Variants in FBN2 observed in about 807,000 individuals in gnomAD.
The protein encoded by FBN2 is fibrillin-2.
In FBN2, 105 loss-of-function variants were observed where a neutral mutation model predicts 355.6. That is an observed-to-expected ratio of 0.30 (90% confidence interval 0.25 to 0.35). The LOEUF (loss-of-function observed/expected upper bound fraction) is 0.35. FBN2 is among the 10% of genes least tolerant of loss of function. The probability of loss-of-function intolerance (pLI) is 1.00; values close to 1 mark genes in which losing one functional copy is unlikely to be tolerated. For synonymous variants in FBN2, 1,350 were observed against 1,301.2 expected (o/e 1.04, Z -0.81); for missense variants, 3,280 against 3,758.7 (o/e 0.87, Z 3.33).
intron 5 of FBN2, among the ~76,000 whole-genome samples, chr5:128,492,739 G>A (rs1755543284): frequency 1.4e-5 from 2 of 147,582 alleles, no homozygotes; most frequent in African/African-American, 5.1e-5. Context: ...GGAGGCAGAG[G>A]CTGTGGTGAG....
Position 128,259,449 on chromosome 5 carries a change from GA to G in FBN2, c.*5del, listed in dbSNP as rs1395860454. 6.2e-7 allele frequency: 1 copy of G among 1,612,690 alleles called. No homozygotes were observed. The highest frequency in any genetic ancestry group is 1.3e-5 in the African/African-American group (1 of 74,884). ...GATTTGAGCCTGGGCCCAAGTCTGT[GA>G]AGGGTTAATAGAGCTGAATCTGCAG... On this transcript the variant is annotated 3_prime_UTR_variant, in exon 65 of 65. Transcript: ENST00000262464.
At chr5:128,366,762 A>C (rs535194235) in intron 16 of FBN2, among the ~76,000 whole-genome samples, 58 of 152,304 alleles carry the variant, frequency 3.8e-4, no homozygotes, top group African/African-American at 1.1e-3. Context: ...CTAATAAAAT[A>C]ATAACAGCCA....
In FBN2 at chr5:128,378,813, G is replaced by A. The variant is rs2126960142; in HGVS notation, c.1681C>T (p.His561Tyr). 3.7e-6 allele frequency: 6 copies of A among 1,613,224 alleles called. No individual in the cohort carries two copies. The Admixed American group carries it at 1.0e-4, about 27-fold the overall frequency. ...GTAGGAGTCCTCTGGAATCCAGCAT[G>A]ACATTTACAATAATAGGAACCAGGT... Reference protein sequence around the residue: ...NTPGSYYCKCHAGFQRTPTKQ... With the variant: ...NTPGSYYCKCYAGFQRTPTKQ... Residue 561 changes from histidine to tyrosine, a missense_variant, in exon 12 of 65, where the codon CAT (histidine) becomes TAT (tyrosine). By Grantham distance (83) the His-to-Tyr change is moderately conservative. Transcript: ENST00000262464.
intron 49 of FBN2, 124 bp from the exon 50 acceptor site, chr5:128,291,008 G>A (rs1374972019): frequency 1.2e-5 from 10 of 820,306 alleles, no homozygotes; most frequent in East Asian, 5.3e-5. Flanking sequence ...GGAAATCTTC[G>A]ATTGCTGATT....
In FBN2 at chr5:128,309,423, C is replaced by G. The variant is rs1411447517; in HGVS notation, c.5201-24G>C. The G allele has an allele frequency of 1.9e-6, 3 of 1,610,232 alleles. No homozygotes were observed. The Admixed American group carries it at 5.0e-5, about 27-fold the overall frequency. On this transcript the variant is annotated intron_variant, in intron 40 of 64. Coordinates refer to ENST00000262464, the MANE Select transcript of FBN2 (RefSeq NM_001999.4). Reference sequence around the variant, plus strand: ...GTCTATATAAAGAAAAACAAAGAAACTAGCCATTTGTATCCACGAGTAGTT... The same window carrying G: ...GTCTATATAAAGAAAAACAAAGAAAGTAGCCATTTGTATCCACGAGTAGTT...
chr5:128,508,714 A>C (rs1019604960), intron 5 of FBN2, among the ~76,000 whole-genome samples: 20 of 152,056 alleles, frequency 1.3e-4, no homozygotes, highest in Non-Finnish European at 1.5e-4. Context: ...ATATTCAAAA[A>C]TATTTGGCAA....
At chr5:128,448,328 A>T (rs1205127627) in intron 6 of FBN2, among the ~76,000 whole-genome samples, 2 of 150,926 alleles carry the variant, frequency 1.3e-5, no homozygotes, top group East Asian at 1.9e-4. Context: ...TTTTTAGACC[A>T]AGTTTTGCTC....
At chr5:128,478,824 G>A (rs180892787) in intron 5 of FBN2, among the ~76,000 whole-genome samples, 10 of 152,188 alleles carry the variant, frequency 6.6e-5, no homozygotes, top group Non-Finnish European at 1.2e-4. Context: ...GACTTTCAGG[G>A]GCCCTTAATG....
chr5:128,333,495 T>C (rs1319309255), intron 31 of FBN2, among the ~76,000 whole-genome samples: 1 of 152,168 alleles, frequency 6.6e-6, no homozygotes, highest in African/African-American at 2.4e-5. Flanking sequence ...AATAGTTTAT[T>C]CTCTTTAAAA....
chr5:128,335,908 T>G, intron 28 of FBN2, 80 bp downstream of exon 28: 1 of 1,452,972 alleles, frequency 6.9e-7, no homozygotes, highest in Admixed American at 1.8e-5. Context: ...TTGCATAGCC[T>G]TCATTATAAT....
At chr5:128,374,157 T>C (rs761520929) in intron 15 of FBN2, among the ~76,000 whole-genome samples, 7 of 152,104 alleles carry the variant, frequency 4.6e-5, no homozygotes, top group South Asian at 2.1e-4. Flanking sequence ...CTTCTGTAGG[T>C]TCTGAAGGGG....
chr5:128,399,388 C>T (rs1349420963), intron 8 of FBN2, among the ~76,000 whole-genome samples: 2 of 152,108 alleles, frequency 1.3e-5, no homozygotes, highest in African/African-American at 4.8e-5. Context: ...AAATAACTGT[C>T]AACTTAAAAT....
At chr5:128,297,215 A>G (rs1749548500) in intron 48 of FBN2, among the ~76,000 whole-genome samples, 1 of 151,952 alleles carries the variant, frequency 6.6e-6, no homozygotes, top group African/African-American at 2.4e-5. Context: ...GTTTGTTATA[A>G]TTTCTGTTCT....
intron 7 of FBN2, among the ~76,000 whole-genome samples, chr5:128,436,838 T>A (rs1470097496): frequency 6.6e-6 from 1 of 152,146 alleles, no homozygotes; most frequent in Non-Finnish European, 1.5e-5. Context: ...AGTTATTCCC[T>A]CACCAATCTG....
At chr5:128,533,924 A>G (rs1756779577) in intron 2 of FBN2, among the ~76,000 whole-genome samples, 1 of 152,094 alleles carries the variant, frequency 6.6e-6, no homozygotes, top group Non-Finnish European at 1.5e-5. Flanking sequence ...GGAAGTTTGG[A>G]AGTACTTCAG....
chr5:128,312,521 GT>G (rs1288956409), intron 37 of FBN2, 112 bp downstream of exon 37: 5 of 1,157,352 alleles, frequency 4.3e-6, no homozygotes, highest in East Asian at 2.3e-5. Context: ...TTCAAATTCA[GT>G]TTTTTTGTTT....
In FBN2 at chr5:128,369,484, G is replaced by C. The variant is rs1266899108; in HGVS notation, c.2096-150C>G. 3 of 712,994 alleles carry C rather than the reference G, an allele frequency of 4.2e-6. No individual in the cohort carries two copies. In the African/African-American group the frequency reaches 5.3e-5, roughly 13 times the overall value. 44.2% of individuals were successfully genotyped at this position (712,994 alleles called of 1,614,324 possible). On this transcript the variant is annotated intron_variant, in intron 15 of 64. Transcript: ENST00000262464. ...TATTTTGCATCTTTAGCATCTAATAGTGTTAGGAAATCAACAAATGTTTTC... is the reference window on the plus strand; with the variant it reads ...TATTTTGCATCTTTAGCATCTAATACTGTTAGGAAATCAACAAATGTTTTC...
intron 5 of FBN2, among the ~76,000 whole-genome samples, chr5:128,469,058 T>A (rs1341904044): frequency 6.6e-6 from 1 of 152,144 alleles, no homozygotes; most frequent in African/African-American, 2.4e-5. Flanking sequence ...TACTAGATAT[T>A]GTTCTGGGCT....
At chr5:128,360,326 T>A (rs557117247) in intron 19 of FBN2, among the ~76,000 whole-genome samples, 1 of 152,106 alleles carries the variant, frequency 6.6e-6, no homozygotes. Flanking sequence ...TGTAGTTGAA[T>A]ACATTTGAGA....
Sources: gnomAD v4.1 joint callset for allele counts (sites outside exome capture counted in the v4.1 genomes callset) on GRCh38, gnomAD v4.1.1 for gene constraint, MANE v1.5 for transcripts, NCBI Gene and HGNC (gene_info 2026-07-23, HGNC 2026-07-21) for gene names.